DAB1: variants seen among roughly 807,000 people sequenced by gnomAD.
The protein encoded by DAB1 is DAB adaptor protein 1, also known as disabled homolog 1.
A neutral mutation model predicts 64.6 loss-of-function variants in DAB1; 15 were observed. The observed-to-expected ratio is 0.23, with a 90% CI of 0.16 to 0.36. The LOEUF (loss-of-function observed/expected upper bound fraction) is 0.36, where lower values mean the gene tolerates loss of function less well. DAB1 is among the 10% of genes least tolerant of loss of function. DAB1 has a pLI of 1.00. For missense variants in DAB1, 596 were observed against 706.7 expected (o/e 0.84, Z 1.78); for synonymous variants, 235 against 251.9 (o/e 0.93, Z 0.64).
chr1:57,203,894 G>A (rs1222365195), intron 2 of DAB1, among the ~76,000 whole-genome samples: 1 of 152,042 alleles, frequency 6.6e-6, no homozygotes, highest in Non-Finnish European at 1.5e-5. Flanking sequence ...TGTTTGTTTT[G>A]TTTTGTTTTG....
chr1:58,432,414 C>G (rs1468646083), intron 3 of DAB1, among the ~76,000 whole-genome samples: 1 of 152,182 alleles, frequency 6.6e-6, no homozygotes, highest in Non-Finnish European at 1.5e-5. Context: ...ATCCCCAGCA[C>G]CTGACACAAT....
At chr1:57,856,193 G>T (rs1297929459) in intron 1 of DAB1, among the ~76,000 whole-genome samples, 2 of 152,050 alleles carry the variant, frequency 1.3e-5, no homozygotes, top group African/African-American at 4.8e-5. Context: ...AGAAGCTGGG[G>T]GGTTGCTTCA....
chr1:57,190,801 C>T (rs187053255), intron 2 of DAB1, among the ~76,000 whole-genome samples: 3 of 152,198 alleles, frequency 2.0e-5, no homozygotes, highest in East Asian at 3.9e-4. Flanking sequence ...CTGGGGTTCT[C>T]GACAGGTGAT....
chr1:58,122,384 C>A (rs1048645198), intron 5 of DAB1, among the ~76,000 whole-genome samples: 26 of 152,152 alleles, frequency 1.7e-4, no homozygotes, highest in African/African-American at 6.3e-4. Context: ...CAAGTCCCTT[C>A]TTTGAGCCTC....
At chr1:57,127,292 G>A (rs1657209148) in intron 4 of DAB1, among the ~76,000 whole-genome samples, 1 of 152,138 alleles carries the variant, frequency 6.6e-6, no homozygotes, top group African/African-American at 2.4e-5. Flanking sequence ...AACAGCCTCT[G>A]GAATTTGGAT....
At chr1:58,417,070 T>G (rs1027223146) in intron 3 of DAB1, among the ~76,000 whole-genome samples, 1 of 152,210 alleles carries the variant, frequency 6.6e-6, no homozygotes, top group Non-Finnish European at 1.5e-5. Context: ...ATTTTAAAAT[T>G]CCTATTGACT....
chr1:58,289,406 A>C (rs1661763782), intron 4 of DAB1, among the ~76,000 whole-genome samples: 1 of 152,182 alleles, frequency 6.6e-6, no homozygotes, highest in South Asian at 2.1e-4. Flanking sequence ...ATGGAACCTC[A>C]ATGTTTTGGT....
chr1:57,438,091 A>T (rs941746523), intron 7 of DAB1, among the ~76,000 whole-genome samples: 1 of 152,208 alleles, frequency 6.6e-6, no homozygotes, highest in Non-Finnish European at 1.5e-5. Context: ...TTTAAGCAAC[A>T]TGAGTGACAG....
intron 4 of DAB1, among the ~76,000 whole-genome samples, chr1:58,226,318 A>G (rs553101974): frequency 6.6e-6 from 1 of 152,254 alleles, no homozygotes; most frequent in East Asian, 1.9e-4. Flanking sequence ...TTAGTTTAAA[A>G]AGTGCTTTCG....
intron 5 of DAB1, among the ~76,000 whole-genome samples, chr1:57,949,444 G>C (rs1381762307): frequency 2.0e-5 from 3 of 151,666 alleles, no homozygotes; most frequent in Admixed American, 1.3e-4. Context: ...GGAGATGCCT[G>C]TGTTAAGCAA....
At position 58,530,491 on chromosome 1, in the gene DAB1, C is replaced by A. The variant is rs190603623; in HGVS notation, n.33-3156G>T. On this transcript the variant is annotated intron_variant and non_coding_transcript_variant, in intron 1 of 20. Coordinates refer to the DAB1 transcript ENST00000485760. ...ACATAAGACACTAAAAATTCGTACCCATATTTCATAGTAAAATGTAAAAAC... is the reference window on the plus strand; with the variant it reads ...ACATAAGACACTAAAAATTCGTACCAATATTTCATAGTAAAATGTAAAAAC... 949 of 651,822 alleles carry A rather than the reference C, an allele frequency of 1.5e-3. 1 individual carries two copies. The highest frequency in any genetic ancestry group is 2.2e-3 in the Non-Finnish European group (841 of 377,064). 40.4% of individuals were successfully genotyped at this position (651,822 alleles called of 1,614,324 possible).
intron 2 of DAB1, among the ~76,000 whole-genome samples, chr1:57,204,678 T>C (rs1504595): frequency 0.11 from 16,594 of 152,190 alleles, 1,163 homozygotes; most frequent in Admixed American, 0.24. Flanking sequence ...GGGGAAATCA[T>C]AATAAAGACT....
intron 1 of DAB1, among the ~76,000 whole-genome samples, chr1:57,412,436 T>A (rs1460152896): frequency 1.3e-5 from 2 of 152,174 alleles, no homozygotes; most frequent in African/African-American, 4.8e-5. Context: ...GACAGCCAAG[T>A]CGTGAATGCA....
At chr1:57,642,454 G>A (rs1164931002) in intron 7 of DAB1, among the ~76,000 whole-genome samples, 1 of 152,128 alleles carries the variant, frequency 6.6e-6, no homozygotes, top group African/African-American at 2.4e-5. Flanking sequence ...GTAATAACAA[G>A]ATCCACTTCC....
At chr1:57,349,337 G>A (rs572287853) in intron 1 of DAB1, among the ~76,000 whole-genome samples, 3 of 151,986 alleles carry the variant, frequency 2.0e-5, no homozygotes, top group Non-Finnish European at 4.4e-5. Flanking sequence ...CTGTATTCTG[G>A]GTAAGAAGAG....
At chr1:57,847,423 A>G (rs1653339539) in intron 1 of DAB1, among the ~76,000 whole-genome samples, 2 of 146,280 alleles carry the variant, frequency 1.4e-5, no homozygotes, top group South Asian at 2.1e-4. Flanking sequence ...GACAGTAAAT[A>G]TAAATGGTTT....
At chr1:58,303,943 G>C (rs1035934738) in intron 4 of DAB1, among the ~76,000 whole-genome samples, 1 of 152,052 alleles carries the variant, frequency 6.6e-6, no homozygotes, top group Admixed American at 6.6e-5. Context: ...GGACAATAGG[G>C]CCCAACTCAG....
At chr1:58,316,985 T>C (rs1662572080) in intron 4 of DAB1, among the ~76,000 whole-genome samples, 1 of 152,250 alleles carries the variant, frequency 6.6e-6, no homozygotes. Flanking sequence ...AACTTAATCA[T>C]TACAATGATC....
intron 7 of DAB1, among the ~76,000 whole-genome samples, chr1:57,621,257 GATT>G (rs200002544): frequency 0.035 from 3,367 of 95,676 alleles, 119 homozygotes; most frequent in African/African-American, 0.092. Flanking sequence ...GAGGGAGTGA[GATT>G]GTTGTGTGTG....
Sources: allele counts gnomAD v4.1 joint callset (sites outside exome capture counted in the v4.1 genomes callset), GRCh38; gene constraint gnomAD v4.1.1; transcripts MANE v1.5; gene names NCBI Gene and HGNC (gene_info 2026-07-23, HGNC 2026-07-21).